SYT10: variants seen among roughly 807,000 people sequenced by gnomAD.
SYT10 encodes synaptotagmin 10.
SYT10 carries 31 observed loss-of-function variants against 51.1 expected under a neutral mutation model. The ratio of observed to expected loss-of-function variants is 0.61; its 90% CI spans 0.46 to 0.82. The LOEUF (loss-of-function observed/expected upper bound fraction) is 0.82, where lower values mean the gene tolerates loss of function less well. Ranked by LOEUF, SYT10 falls within the 40% of genes least tolerant of loss-of-function variation. SYT10 has a pLI of 0.00. For synonymous variants in SYT10, 233 were observed against 225.9 expected, an observed-to-expected ratio of 1.03 and a Z score of -0.28; for missense variants, 603 against 634.0, an observed-to-expected ratio of 0.95 and a Z score of 0.53.
chr12:33,393,473 CT>C (rs1866227801), intron 3 of SYT10, among the ~76,000 whole-genome samples: 1 of 152,176 alleles, frequency 6.6e-6, no homozygotes. Context: ...AAAGGAGTCC[CT>C]GTAAGTATTG....
intron 3 of SYT10, among the ~76,000 whole-genome samples, chr12:33,391,720 T>G (rs919137106): frequency 1.3e-5 from 2 of 152,250 alleles, no homozygotes; most frequent in African/African-American, 4.8e-5. Context: ...GTTTGCAGCC[T>G]GACACACAGT....
intron 3 of SYT10, among the ~76,000 whole-genome samples, chr12:33,390,949 G>GT (rs1007085055): frequency 1.2e-4 from 18 of 151,698 alleles, no homozygotes; most frequent in African/African-American, 3.6e-4. Context: ...TTGTTGTTTT[G>GT]TTTTTTTGAG....
chr12:33,383,836 T>C (rs1171730711), intron 4 of SYT10, among the ~76,000 whole-genome samples: 3 of 152,206 alleles, frequency 2.0e-5, no homozygotes, highest in Admixed American at 6.5e-5. Flanking sequence ...AAAAGTTTCA[T>C]ATAAATAAAA....
intron 2 of SYT10, among the ~76,000 whole-genome samples, chr12:33,409,616 C>A (rs1404981437): frequency 6.6e-6 from 1 of 151,792 alleles, no homozygotes; most frequent in Non-Finnish European, 1.5e-5. Flanking sequence ...CAGGTTCATG[C>A]CATTCTCCTC....
chr12:33,389,014 C>A (rs1326870977), intron 3 of SYT10, among the ~76,000 whole-genome samples: 2 of 152,130 alleles, frequency 1.3e-5, no homozygotes, highest in African/African-American at 2.4e-5. Context: ...GAGAAGTATT[C>A]CTGGAGGAAA....
At chr12:33,424,919 G>C (rs1479651622) in intron 2 of SYT10, among the ~76,000 whole-genome samples, 1 of 151,932 alleles carries the variant, frequency 6.6e-6, no homozygotes, top group Non-Finnish European at 1.5e-5. Flanking sequence ...AAGTAGCCTA[G>C]AAAAGTGTAA....
At chr12:33,396,397 A>G (rs1450837494) in intron 3 of SYT10, among the ~76,000 whole-genome samples, 1 of 152,204 alleles carries the variant, frequency 6.6e-6, no homozygotes, top group Non-Finnish European at 1.5e-5. Context: ...AAATCTGCTA[A>G]GTTTATATAA....
intron 3 of SYT10, among the ~76,000 whole-genome samples, chr12:33,394,627 A>G (rs1866238045): frequency 1.3e-5 from 2 of 152,228 alleles, no homozygotes; most frequent in Non-Finnish European, 2.9e-5. Context: ...TTGGGTTGAT[A>G]TTATTACAAA....
At chr12:33,408,635 T>G (rs762053295) in intron 2 of SYT10, among the ~76,000 whole-genome samples, 2 of 152,212 alleles carry the variant, frequency 1.3e-5, no homozygotes, top group African/African-American at 4.8e-5. Context: ...CTATAATTAT[T>G]GTCTTGAATC....
rs1427089142 is a variant in SYT10 at position 33,426,399 on chromosome 12, C to T, written c.248G>A (p.Cys83Tyr). The change falls in exon 2 of 7, where the codon TGC becomes TAC. Residue 83 changes from cysteine to tyrosine, a missense_variant. Physicochemically the swap from Cys to Tyr is radical, Grantham distance 194. Coordinates refer to ENST00000228567, the MANE Select transcript of SYT10 (RefSeq NM_198992.4). The stretch of plus-strand genomic sequence containing the variant: ...GGAAGTCACAGGTTTGCTTTTCCAG[C>T]ATGGCCAACACAGCTTCCAGAAGAC... ...LFVFWKLCWP[C>Y]WKSKPVTSNI... 4.3e-6 allele frequency: 7 copies of T among 1,613,960 alleles called. No homozygotes were observed. Among genetic ancestry groups the T allele is most frequent in the Non-Finnish European group, 5.1e-6 (6 of 1,180,002 alleles).
At chr12:33,414,969 TAA>T (rs1467135860) in intron 2 of SYT10, among the ~76,000 whole-genome samples, 1 of 152,190 alleles carries the variant, frequency 6.6e-6, no homozygotes. Context: ...GTTGACTATG[TAA>T]AGACGGAGCT....
intron 1 of SYT10, among the ~76,000 whole-genome samples, chr12:33,438,646 G>A (rs970200561): frequency 1.3e-5 from 2 of 152,212 alleles, no homozygotes; most frequent in East Asian, 1.9e-4. Flanking sequence ...TGAGTTGGAT[G>A]TCTGAGAGCG....
intron 2 of SYT10, among the ~76,000 whole-genome samples, chr12:33,423,206 A>G: frequency 6.6e-6 from 1 of 152,144 alleles, no homozygotes; most frequent in East Asian, 1.9e-4. Context: ...AAAACTTGAA[A>G]GACTATGATG....
rs139246854 is a variant in SYT10 at position 33,417,822 on chromosome 12, C to T, written c.509+8316G>A. On this transcript the variant is annotated intron_variant, in intron 2 of 6. Transcript: ENST00000228567. ...TGAGGGTGTACACAAGAGAGTGGCT[C>T]TGATTGACCATGGAATTGAAACTAA... Among the ~76,000 whole-genome samples, 502 of 152,122 alleles carry T rather than the reference C, an allele frequency of 3.3e-3. 1 individual carries two copies. Among genetic ancestry groups the T allele is most frequent in the African/African-American group, 0.012 (479 of 41,500 alleles).
intron 1 of SYT10, among the ~76,000 whole-genome samples, chr12:33,431,538 GTAAT>G (rs1183628103): frequency 2.0e-5 from 3 of 151,974 alleles, no homozygotes; most frequent in East Asian, 3.9e-4. Context: ...TACATTAATT[GTAAT>G]TATTTAATTT....
chr12:33,402,112 C>T (rs1866311993), intron 3 of SYT10, among the ~76,000 whole-genome samples: 1 of 152,172 alleles, frequency 6.6e-6, no homozygotes, highest in Admixed American at 6.5e-5. Flanking sequence ...TCACAATCTC[C>T]CACTCTGATC....
chr12:33,402,398 T>C (rs1330495348), intron 3 of SYT10, among the ~76,000 whole-genome samples: 1 of 152,198 alleles, frequency 6.6e-6, no homozygotes, highest in Non-Finnish European at 1.5e-5. Context: ...CAGAATTCTA[T>C]CATCATGGAA....
intron 2 of SYT10, among the ~76,000 whole-genome samples, chr12:33,412,691 C>T (rs1206905458): frequency 2.0e-5 from 3 of 152,118 alleles, no homozygotes; most frequent in African/African-American, 7.2e-5. Context: ...TGTACGTCAC[C>T]ATCATCAAAG....
chr12:33,433,887 A>AC (rs1866616825), intron 1 of SYT10, among the ~76,000 whole-genome samples: 1 of 152,128 alleles, frequency 6.6e-6, no homozygotes, highest in South Asian at 2.1e-4. Context: ...TCTTTGTTAA[A>AC]CCTAGGCTAA....
Sources: gnomAD v4.1 joint callset for allele counts (sites outside exome capture counted in the v4.1 genomes callset) on GRCh38, gnomAD v4.1.1 for gene constraint, MANE v1.5 for transcripts, NCBI Gene and HGNC (gene_info 2026-07-23, HGNC 2026-07-21) for gene names.